The following CSGALNACT1 variants were observed in gnomAD, a reference collection of about 807,000 sequenced individuals.
CSGALNACT1 encodes the protein chondroitin sulfate N-acetylgalactosaminyltransferase 1.
CSGALNACT1 carries 52 observed loss-of-function variants against 51.0 expected under a neutral mutation model. That is an observed-to-expected ratio of 1.02 (90% CI 0.82 to 1.29). The LOEUF is 1.29. Among genes scored for constraint, CSGALNACT1 ranks in the 50% most tolerant of loss-of-function variants. CSGALNACT1 has a pLI of 0.00. For synonymous variants in CSGALNACT1, 341 were observed against 254.4 expected, an observed-to-expected ratio of 1.34 and a Z score of -3.24; for missense variants, 935 against 679.2, an observed-to-expected ratio of 1.38 and a Z score of -4.19.
At chr8:19,664,646 A>AACAC (rs34245346) in intron 1 of CSGALNACT1, among the ~76,000 whole-genome samples, 5 of 150,594 alleles carry the variant, frequency 3.3e-5, no homozygotes, top group African/African-American at 1.2e-4. Flanking sequence ...CAAACACACA[A>AACAC]ACACACACAC....
chr8:19,510,415 C>G (rs1037855526), intron 3 of CSGALNACT1, among the ~76,000 whole-genome samples: 5 of 152,104 alleles, frequency 3.3e-5, no homozygotes, highest in African/African-American at 9.7e-5. Flanking sequence ...AAACAATAGA[C>G]GACAGTCTCA....
chr8:19,451,688 G>C (rs137987262), intron 5 of CSGALNACT1, among the ~76,000 whole-genome samples: 1 of 152,184 alleles, frequency 6.6e-6, no homozygotes, highest in East Asian at 1.9e-4. Context: ...CTCTTTCTTG[G>C]GAATTCCAGG....
intron 9 of CSGALNACT1, 67 bp downstream of exon 8, chr8:19,408,546 T>C: frequency 8.2e-7 from 1 of 1,216,860 alleles, no homozygotes; most frequent in Non-Finnish European, 1.2e-6. Context: ...AAACCCTACT[T>C]GATTCCTTCA....
At chr8:19,550,180 CTTG>C (rs1263324372) in intron 3 of CSGALNACT1, among the ~76,000 whole-genome samples, 1 of 152,048 alleles carries the variant, frequency 6.6e-6, no homozygotes, top group African/African-American at 2.4e-5. Flanking sequence ...GCGAAGGAGT[CTTG>C]TTGTGTTGCC....
rs537957273 is a variant in CSGALNACT1 at position 19,642,102 on chromosome 8, T to G, written c.-543-40237A>C. The G allele has an allele frequency of 2.0e-5, 3 of 152,330 alleles. No individual in the cohort carries two copies. The East Asian group carries it at 5.8e-4, about 29-fold the overall frequency. 9.4% of individuals were successfully genotyped at this position (152,330 alleles called of 1,614,324 possible). A position where few individuals can be genotyped will look rare whatever the true frequency, so the allele number is the denominator to read the frequency against. ...GGAAAATGGCTTGTTAAATAGGCAC[T>G]AAAACAGAGTTCCATTCTGCCTGAA... On this transcript the variant is annotated intron_variant, in intron 1 of 9. Coordinates refer to the CSGALNACT1 transcript ENST00000332246.
chr8:19,565,896 G>C (rs1244086899), intron 3 of CSGALNACT1, among the ~76,000 whole-genome samples: 1 of 152,204 alleles, frequency 6.6e-6, no homozygotes, highest in Non-Finnish European at 1.5e-5. Context: ...GGGCAACAGA[G>C]CAAGGCTCCA....
At chr8:19,648,887 C>T (rs572539644) in intron 1 of CSGALNACT1, among the ~76,000 whole-genome samples, 14 of 152,274 alleles carry the variant, frequency 9.2e-5, no homozygotes, top group Non-Finnish European at 1.5e-4. Flanking sequence ...AAACGGAATA[C>T]AGTAGAGACT....
intron 3 of CSGALNACT1, among the ~76,000 whole-genome samples, chr8:19,541,671 G>C (rs957148732): frequency 3.4e-5 from 5 of 148,884 alleles, no homozygotes; most frequent in Admixed American, 6.7e-5. Context: ...AAAGTCCTGG[G>C]ATTACAGGCC....
At chr8:19,408,582 G>C in intron 9 of CSGALNACT1, 31 bp downstream of exon 8, 3 of 1,591,666 alleles carry the variant, frequency 1.9e-6, no homozygotes, top group Non-Finnish European at 2.6e-6. Context: ...CGTGGCCTCT[G>C]GGTGGCAGTA....
exon 4 of CSGALNACT1, chr8:19,505,938 C>T (rs770354158): frequency 1.0e-5 from 14 of 1,377,788 alleles, no homozygotes; most frequent in South Asian, 3.6e-5. Flanking sequence ...CGTTTGGGGC[C>T]CCCGGAGCTG....
chr8:19,406,735 C>G (rs1023830112), intron 9 of CSGALNACT1, among the ~76,000 whole-genome samples: 1 of 152,000 alleles, frequency 6.6e-6, no homozygotes, highest in East Asian at 1.9e-4. Context: ...CCTTCTCCTG[C>G]CACTGCAAAC....
chr8:19,640,459 A>G (rs1053729937), intron 1 of CSGALNACT1, among the ~76,000 whole-genome samples: 3 of 152,180 alleles, frequency 2.0e-5, no homozygotes, highest in African/African-American at 7.2e-5. Context: ...GCTGCTAAAG[A>G]CATTCTCAAT....
At chr8:19,748,605 A>T (rs1378180000) in intron 1 of CSGALNACT1, among the ~76,000 whole-genome samples, 1 of 152,126 alleles carries the variant, frequency 6.6e-6, no homozygotes, top group African/African-American at 2.4e-5. Flanking sequence ...TAGCTCAATG[A>T]CTCAGCAAAC....
At chr8:19,637,994 G>A (rs2056297929) in intron 1 of CSGALNACT1, among the ~76,000 whole-genome samples, 1 of 152,214 alleles carries the variant, frequency 6.6e-6, no homozygotes, top group Non-Finnish European at 1.5e-5. Context: ...GGAAGCAGCA[G>A]TGGGTCCACT....
chr8:19,611,585 C>T (rs117651676), intron 1 of CSGALNACT1, among the ~76,000 whole-genome samples: 2,425 of 152,262 alleles, frequency 0.016, 27 homozygotes, highest in Non-Finnish European at 0.024. Flanking sequence ...CCCACCATCC[C>T]AGTGGTGGAG....
intron 4 of CSGALNACT1, among the ~76,000 whole-genome samples, chr8:19,468,375 C>T (rs150300110): frequency 4.1e-4 from 62 of 152,266 alleles, no homozygotes; most frequent in African/African-American, 1.3e-3. Flanking sequence ...CTGGAAAGGC[C>T]GACGTGGAGC....
chr8:19,693,946 G>A (rs1019807012), intron 1 of CSGALNACT1, among the ~76,000 whole-genome samples: 31 of 120,422 alleles, frequency 2.6e-4, no homozygotes, highest in Non-Finnish European at 5.5e-4. Flanking sequence ...ATAACATTAA[G>A]TGAATTTTTT....
rs10216575 is a variant in CSGALNACT1 at position 19,587,416 on chromosome 8, A to G, written c.-297+3744T>C. Among the ~76,000 whole-genome samples the G allele has an allele frequency of 6.2e-3, 948 of 152,342 alleles. 15 individuals carry two copies. Among genetic ancestry groups the G allele is most frequent in the African/African-American group, 0.022 (898 of 41,578 alleles). ...CATTGTTCCTAAGTTGAGAAATGTCATGGGTGGTAAGGATGCTGTGTCCCA... is the reference window on the plus strand; with the variant it reads ...CATTGTTCCTAAGTTGAGAAATGTCGTGGGTGGTAAGGATGCTGTGTCCCA... On this transcript the variant is annotated intron_variant, in intron 3 of 9. Transcript: ENST00000454498.
intron 3 of CSGALNACT1, among the ~76,000 whole-genome samples, chr8:19,522,452 C>G (rs1364119399): frequency 6.6e-6 from 1 of 152,214 alleles, no homozygotes; most frequent in Non-Finnish European, 1.5e-5. Context: ...AAAACTCTCT[C>G]TAAAATGCCA....
Sources: gnomAD v4.1 joint callset for allele counts (sites outside exome capture counted in the v4.1 genomes callset) on GRCh38, gnomAD v4.1.1 for gene constraint, MANE v1.5 for transcripts, NCBI Gene and HGNC (gene_info 2026-07-23, HGNC 2026-07-21) for gene names.